The following BSN variants were observed in gnomAD, a reference collection of about 807,000 sequenced individuals.
BSN encodes the protein bassoon presynaptic cytomatrix protein, also known as protein bassoon.
In BSN, 57 loss-of-function variants were observed where a neutral mutation model predicts 264.8. The observed-to-expected ratio is 0.22, with a 90% CI of 0.17 to 0.27. The LOEUF (loss-of-function observed/expected upper bound fraction) is 0.27. Ranked by LOEUF, BSN falls within the 10% of genes least tolerant of loss-of-function variation. The probability of loss-of-function intolerance (pLI) is 1.00; values close to 1 mark genes in which losing one functional copy is unlikely to be tolerated. For synonymous variants in BSN, 2,059 were observed against 2,137.3 expected (o/e 0.96, Z 1.01); for missense variants, 4,615 against 5,232.5 (o/e 0.88, Z 3.64).
chr3:49,562,140 T>C (rs2051716039), intron 1 of BSN, among the ~76,000 whole-genome samples: 1 of 152,220 alleles, frequency 6.6e-6, no homozygotes, highest in African/African-American at 2.4e-5. Flanking sequence ...TCCTCCTATC[T>C]AACTGAAACA....
chr3:49,604,403 G>A (rs1016423403), intron 1 of BSN, among the ~76,000 whole-genome samples: 1 of 152,060 alleles, frequency 6.6e-6, no homozygotes, highest in African/African-American at 2.4e-5. Context: ...GATAACTACT[G>A]TTTTAGTTTC....
chr3:49,586,539 C>T (rs1471870659), intron 1 of BSN, among the ~76,000 whole-genome samples: 1 of 152,146 alleles, frequency 6.6e-6, no homozygotes, highest in Non-Finnish European at 1.5e-5. Context: ...CAGGGTTTCA[C>T]CATGTTGCCC....
intron 1 of BSN, among the ~76,000 whole-genome samples, chr3:49,603,474 C>A (rs1383218113): frequency 6.6e-6 from 1 of 152,120 alleles, no homozygotes; most frequent in African/African-American, 2.4e-5. Context: ...TTAGATTATA[C>A]CATGATTATT....
At chr3:49,605,491 T>TTATATAA (rs2052113756) in intron 1 of BSN, among the ~76,000 whole-genome samples, 1 of 7,666 alleles carries the variant, frequency 1.3e-4, no homozygotes, top group African/African-American at 5.4e-4. Flanking sequence ...ATAATATATA[T>TTATATAA]TATATATAAT....
At position 49,651,038 on chromosome 3, in the gene BSN, G is replaced by A. The variant is rs779715067; in HGVS notation, c.1945G>A (p.Val649Ile). ...VRRAEPATPV[V>I]KAVPEAPKGG... is the part of the protein sequence containing the mutation. ...GAGGGCTGAACCTGCCACCCCTGTC[G>A]TCAAGGCTGTTCCAGAAGCCCCCAA... is the stretch of plus-strand genomic sequence containing the variant. The change falls in exon 4 of 12, where the codon GTC (valine) becomes ATC (isoleucine). Residue 649 changes from valine (V) to isoleucine (I), a missense_variant. Val to Ile is a conservative substitution (Grantham distance 29, BLOSUM62 3). Around this residue, in one of 3 missense-constraint regions of BSN, gnomAD observed 1,197 missense variants for 1,348.0 expected, o/e 0.89. Coordinates refer to ENST00000296452, the MANE Select transcript of BSN (RefSeq NM_003458.4). The surrounding 1 kb of genome is among the most constrained non-coding windows in gnomAD (Gnocchi z 5.4). 1.1e-5 allele frequency: 17 copies of A among 1,613,164 alleles called. No individual in the cohort carries two copies. The highest frequency in any genetic ancestry group is 2.2e-5 in the East Asian group (1 of 44,890).
At chr3:49,582,699 TC>T (rs1362501337) in intron 1 of BSN, among the ~76,000 whole-genome samples, 3 of 152,192 alleles carry the variant, frequency 2.0e-5, no homozygotes, top group African/African-American at 7.2e-5. Flanking sequence ...TGGTAAAACT[TC>T]CTTGCACATC....
chr3:49,628,860 C>T (rs1383564620), intron 2 of BSN, among the ~76,000 whole-genome samples: 2 of 152,044 alleles, frequency 1.3e-5, no homozygotes, highest in African/African-American at 2.4e-5. Context: ...TTTGCTAAGG[C>T]TGAAGCTGGT....
rs1314269082 is a variant in BSN at position 49,652,124 on chromosome 3, C to T, written c.2568C>T (p.Asn856=). 1.9e-6 allele frequency: 3 copies of T among 1,613,832 alleles called. No homozygotes were observed. Among genetic ancestry groups the T allele is most frequent in the Non-Finnish European group, 2.5e-6 (3 of 1,179,794 alleles). ...QILEMSAEED[N]LEEDDTATSG... Reference sequence around the variant, plus strand: ...TCGAGATGAGCGCCGAGGAAGACAACCTGGAGGAGGATGACACTGCCACCT... The same window carrying T: ...TCGAGATGAGCGCCGAGGAAGACAATCTGGAGGAGGATGACACTGCCACCT... Residue 856 remains asparagine (N), a synonymous_variant, in exon 5 of 12, where the codon AAC becomes AAT. Transcript: ENST00000296452.
At position 49,663,010 on chromosome 3, in the gene BSN, C is replaced by T. The variant is rs777397706; in HGVS notation, c.10852C>T (p.His3618Tyr). The change falls in exon 7 of 12, where the codon CAT becomes TAT. Residue 3618 changes from histidine to tyrosine, a missense_variant. Transcript: ENST00000296452. ...QKRGPARHSY[H>Y]DYDEPPEEGL... ...GCGAGGCCCTGCCAGGCACAGCTAC[C>T]ATGACTACGATGAACCCCCTGAGGA... 8 of 1,614,054 alleles carry T rather than the reference C, an allele frequency of 5.0e-6. No homozygotes were observed. The South Asian group carries it at 7.7e-5, about 16-fold the overall frequency.
chr3:49,564,666 GC>G (rs2051739541), intron 1 of BSN, among the ~76,000 whole-genome samples: 1 of 152,180 alleles, frequency 6.6e-6, no homozygotes, highest in East Asian at 1.9e-4. Flanking sequence ...AGTGGGAGTA[GC>G]TGCCTGAAAA....
rs1326109401 is a variant in BSN, at chr3:49,655,288, G to A, written c.5732G>A (p.Ser1911Asn). Residue 1911 changes from serine (S) to asparagine (N), a missense_variant, in exon 5 of 12, where the codon AGC (serine) becomes AAC (asparagine). Transcript: ENST00000296452. The part of the protein sequence containing the change: ...CDMVYKLPFG[S>N]SCTGTFHPAP... ...ATGGTCTACAAGCTCCCCTTTGGCA[G>A]CAGCTGCACTGGCACCTTCCACCCG... is the stretch of plus-strand genomic sequence containing the variant. 1 of 1,612,738 alleles carries A rather than the reference G, an allele frequency of 6.2e-7. No individual in the cohort carries two copies. Among genetic ancestry groups the A allele is most frequent in the African/African-American group, 1.3e-5 (1 of 74,924 alleles).
At chr3:49,613,619 C>G (rs1198451649) in intron 1 of BSN, among the ~76,000 whole-genome samples, 1 of 151,714 alleles carries the variant, frequency 6.6e-6, no homozygotes, top group Non-Finnish European at 1.5e-5. Context: ...CTCAACCTCC[C>G]AAGTAGCTGG....
At position 49,656,983 on chromosome 3, in the gene BSN, C is replaced by T. The variant is rs772407546; in HGVS notation, c.7427C>T (p.Pro2476Leu). 5 of 1,609,712 alleles carry T rather than the reference C, an allele frequency of 3.1e-6. No homozygotes were observed. In the South Asian group the frequency reaches 5.5e-5, roughly 18 times the overall value. ...GAGCAGAAGCAGCGGCAGAAGGCTC[C>T]CTTTCCTGCAGCCTGTGAGGCACCT... Reference protein sequence around the residue: ...LEEQKQRQKAPFPAACEAPGR... With the variant: ...LEEQKQRQKALFPAACEAPGR... Residue 2476 changes from proline (P) to leucine (L), a missense_variant, in exon 5 of 12, where the codon CCC becomes CTC. Coordinates refer to ENST00000296452, the MANE Select transcript of BSN (RefSeq NM_003458.4).
chr3:49,633,729 TACAC>T (rs1346298003), intron 2 of BSN, among the ~76,000 whole-genome samples: 3 of 152,200 alleles, frequency 2.0e-5, no homozygotes, highest in Non-Finnish European at 4.4e-5. Flanking sequence ...TATACATACA[TACAC>T]ACAACGAAAT....
chr3:49,611,560 T>C (rs2052206880), intron 1 of BSN, among the ~76,000 whole-genome samples: 1 of 152,198 alleles, frequency 6.6e-6, no homozygotes, highest in African/African-American at 2.4e-5. Context: ...GGGCTGGCAC[T>C]GGGGCCAAAG....
chr3:49,569,493 C>A (rs1013931003), intron 1 of BSN, among the ~76,000 whole-genome samples: 1 of 152,114 alleles, frequency 6.6e-6, no homozygotes, highest in Non-Finnish European at 1.5e-5. Context: ...GAAAGATGAA[C>A]AGGTAGATTA....
intron 1 of BSN, among the ~76,000 whole-genome samples, chr3:49,623,945 A>C (rs1455378852): frequency 6.6e-6 from 1 of 152,224 alleles, no homozygotes; most frequent in Non-Finnish European, 1.5e-5. Context: ...TTTTTATGTA[A>C]TTCGACTGAG....
chr3:49,562,446 A>G (rs2051719002), intron 1 of BSN, among the ~76,000 whole-genome samples: 1 of 151,494 alleles, frequency 6.6e-6, no homozygotes, highest in Admixed American at 6.6e-5. Flanking sequence ...TCCTTAAATT[A>G]GAGTTTGCTC....
chr3:49,567,847 C>T (rs191752779), intron 1 of BSN, among the ~76,000 whole-genome samples: 70 of 152,308 alleles, frequency 4.6e-4, no homozygotes, highest in African/African-American at 1.5e-3. Flanking sequence ...AGCTGGAAGA[C>T]TTGAAGGCCA....
Sources: allele counts gnomAD v4.1 joint callset (sites outside exome capture counted in the v4.1 genomes callset), GRCh38; gene constraint gnomAD v4.1.1; regional missense constraint gnomAD v4.1.1; non-coding constraint Gnocchi (gnomAD v3.1); transcripts MANE v1.5; gene names NCBI Gene and HGNC (gene_info 2026-07-23, HGNC 2026-07-21).